Variants in FOXO1 observed in about 807,000 individuals in gnomAD.
The protein encoded by FOXO1 is forkhead box O1.
Under a neutral mutation model 44.1 loss-of-function variants are expected in FOXO1, and 6 were observed. That is an observed-to-expected ratio of 0.14 (90% CI 0.07 to 0.27). FOXO1 has a LOEUF of 0.27. FOXO1 is among the 10% of genes least tolerant of loss of function. The pLI is 1.00. For synonymous variants in FOXO1, 380 were observed against 362.7 expected (o/e 1.05, Z -0.54); for missense variants, 737 against 888.8 (o/e 0.83, Z 2.17).
chr13:40,640,162 A>G (rs1877299928), intron 1 of FOXO1, among the ~76,000 whole-genome samples: 1 of 152,254 alleles, frequency 6.6e-6, no homozygotes, highest in Admixed American at 6.5e-5. Context: ...CTGTCCATCT[A>G]TTAGGAACCA....
rs150355768 is a variant in FOXO1, at chr13:40,585,337, G to A, written c.631-24477C>T. Among the ~76,000 whole-genome samples, 887 of 109,962 alleles carry A rather than the reference G, an allele frequency of 8.1e-3. 6 individuals carry two copies. Among genetic ancestry groups the A allele is most frequent in the Non-Finnish European group, 0.012 (667 of 54,382 alleles). The allele number at this position is 109,962 out of a possible 152,430, so 72.1% of individuals were successfully genotyped here. ...TTTAGTATGTAAGTATTTCCTCTGC[G>A]CGCGCGCACACACACACACACACAC... On this transcript the variant is annotated intron_variant, in intron 1 of 2. Coordinates refer to ENST00000379561, the MANE Select transcript of FOXO1 (RefSeq NM_002015.4).
chr13:40,590,066 G>A (rs1875311348), intron 1 of FOXO1, among the ~76,000 whole-genome samples: 2 of 152,140 alleles, frequency 1.3e-5, no homozygotes, highest in Non-Finnish European at 2.9e-5. Context: ...TGCTGCTGTG[G>A]CCCCTACCCA....
chr13:40,664,807 A>ACGCCACCGCCACCGCCAC (rs571800667), intron 1 of FOXO1, among the ~76,000 whole-genome samples: 1 of 149,552 alleles, frequency 6.7e-6, no homozygotes. Flanking sequence ...GGCCCCTCCC[A>ACGCCACCGCCACCGCCAC]CGCCACCGCC....
At chr13:40,593,019 CTTTT>C (rs1566069782) in intron 1 of FOXO1, among the ~76,000 whole-genome samples, 1 of 152,002 alleles carries the variant, frequency 6.6e-6, no homozygotes, top group East Asian at 1.9e-4. Flanking sequence ...GTTTTGGGGG[CTTTT>C]TTGTTTTGTT....
At chr13:40,626,843 C>T (rs1593405927) in intron 1 of FOXO1, among the ~76,000 whole-genome samples, 1 of 152,146 alleles carries the variant, frequency 6.6e-6, no homozygotes, top group Admixed American at 6.5e-5. Flanking sequence ...GAACAAGTAC[C>T]CAAGGGTGAC....
chr13:40,575,897 G>A (rs1447994530), intron 1 of FOXO1, among the ~76,000 whole-genome samples: 1 of 152,168 alleles, frequency 6.6e-6, no homozygotes, highest in Non-Finnish European at 1.5e-5. Flanking sequence ...AGATAAAACG[G>A]GATGGGAATT....
At chr13:40,593,931 G>A (rs570688632) in intron 1 of FOXO1, among the ~76,000 whole-genome samples, 1 of 152,292 alleles carries the variant, frequency 6.6e-6, no homozygotes, top group Admixed American at 6.5e-5. Flanking sequence ...GGTCCCCTTA[G>A]ACGAGGTCTG....
intron 1 of FOXO1, among the ~76,000 whole-genome samples, chr13:40,627,984 G>A (rs1876839643): frequency 1.3e-5 from 2 of 152,130 alleles, no homozygotes; most frequent in Admixed American, 1.3e-4. Flanking sequence ...CCTTGACTGG[G>A]TTGGCAGGGG....
chr13:40,605,312 G>A (rs1454700510), intron 1 of FOXO1, among the ~76,000 whole-genome samples: 2 of 152,088 alleles, frequency 1.3e-5, no homozygotes, highest in Non-Finnish European at 1.5e-5. Flanking sequence ...AAAATTCCAG[G>A]ATATTTTGAG....
At chr13:40,603,569 G>A (rs1029924831) in intron 1 of FOXO1, among the ~76,000 whole-genome samples, 1 of 151,976 alleles carries the variant, frequency 6.6e-6, no homozygotes, top group Admixed American at 6.6e-5. Context: ...CTCTGGCTAG[G>A]CTTCCATTCT....
intron 1 of FOXO1, among the ~76,000 whole-genome samples, chr13:40,564,476 A>T (rs1452443687): frequency 6.6e-6 from 1 of 152,186 alleles, no homozygotes; most frequent in African/African-American, 2.4e-5. Context: ...TCACACAGCC[A>T]GCGGGACATT....
intron 1 of FOXO1, among the ~76,000 whole-genome samples, chr13:40,609,083 A>G (rs745600083): frequency 2.2e-4 from 33 of 152,190 alleles, no homozygotes; most frequent in Non-Finnish European, 3.4e-4. Context: ...ATGTCCTTCA[A>G]TTGTGCCATT....
At chr13:40,624,980 AAAGT>A (rs1361262722) in intron 1 of FOXO1, among the ~76,000 whole-genome samples, 3 of 152,192 alleles carry the variant, frequency 2.0e-5, no homozygotes, top group African/African-American at 7.2e-5. Flanking sequence ...ATGCTAGGTA[AAAGT>A]AACAAAAAGT....
At chr13:40,642,521 A>C (rs1418826037) in intron 1 of FOXO1, among the ~76,000 whole-genome samples, 2 of 152,188 alleles carry the variant, frequency 1.3e-5, no homozygotes, top group Non-Finnish European at 2.9e-5. Flanking sequence ...AGCTTGGCAA[A>C]CTTACCCTTT....
Position 40,564,868 on chromosome 13 carries a change from T to C in FOXO1, c.631-4008A>G, listed in dbSNP as rs575460561. On this transcript the variant is annotated intron_variant, in intron 1 of 2. Coordinates refer to ENST00000379561, the MANE Select transcript of FOXO1 (RefSeq NM_002015.4). ...GCCTCTGCACACACCCCATCTGCCA[T>C]CTGCATGCCTGGCCACCCCAAGCAG... Among the ~76,000 whole-genome samples the C allele has an allele frequency of 7.1e-4, 105 of 148,306 alleles. 2 individuals carry two copies. In the South Asian group the frequency reaches 0.022, roughly 30 times the overall value.
intron 1 of FOXO1, among the ~76,000 whole-genome samples, chr13:40,650,268 T>G (rs1877636832): frequency 6.6e-6 from 1 of 152,176 alleles, no homozygotes; most frequent in South Asian, 2.1e-4. Flanking sequence ...TTTGTTTTGG[T>G]GGGTTTTAGC....
chr13:40,581,497 C>T (rs1468081386), intron 1 of FOXO1, among the ~76,000 whole-genome samples: 2 of 152,172 alleles, frequency 1.3e-5, no homozygotes, highest in Non-Finnish European at 2.9e-5. Flanking sequence ...GCAGTAACTA[C>T]ACCCATAGTA....
rs1303799343 is a variant in FOXO1 at position 40,568,126 on chromosome 13, C to G, written c.631-7266G>C. On this transcript the variant is annotated intron_variant, in intron 1 of 2. Coordinates refer to ENST00000379561, the MANE Select transcript of FOXO1 (RefSeq NM_002015.4). ...GGGAAAGCGGAAAGGTCCCCAGAGA[C>G]CCCCAGCTACCTAGAACTGCCCACC... Among the ~76,000 whole-genome samples the G allele has an allele frequency of 2.0e-5, 3 of 152,076 alleles. No homozygotes were observed. The East Asian group carries it at 5.8e-4, about 29-fold the overall frequency.
At chr13:40,571,336 C>T (rs570755277) in intron 1 of FOXO1, among the ~76,000 whole-genome samples, 6 of 152,044 alleles carry the variant, frequency 3.9e-5, no homozygotes, top group Admixed American at 1.3e-4. Flanking sequence ...CAAGCCTGCA[C>T]ATTGTGCACA....
Sources: gnomAD v4.1 joint callset for allele counts (sites outside exome capture counted in the v4.1 genomes callset) on GRCh38, gnomAD v4.1.1 for gene constraint, MANE v1.5 for transcripts, NCBI Gene and HGNC (gene_info 2026-07-23, HGNC 2026-07-21) for gene names.